MGST1: variants seen among roughly 807,000 people sequenced by gnomAD.
The protein encoded by MGST1 is glutathione S-transferase 12.
In MGST1, 5 loss-of-function variants were observed where a neutral mutation model predicts 8.9. That is an observed-to-expected ratio of 0.56 (90% CI 0.29 to 1.19). The LOEUF is 1.19. MGST1 is among the 50% of genes most tolerant of loss of function. The pLI is 0.08. For synonymous variants in MGST1, 54 were observed against 67.8 expected, an observed-to-expected ratio of 0.80 and a Z score of 1.00; for missense variants, 182 against 187.4, an observed-to-expected ratio of 0.97 and a Z score of 0.17.
At chr12:16,514,262 G>A in intron 4 of MGST1, 1 of 278,376 alleles carries the variant, frequency 3.6e-6, no homozygotes. Context: ...ACCATGGTTT[G>A]CAAAGACGCA....
chr12:16,511,383 T>C (rs1242675004), intron 4 of MGST1, among the ~76,000 whole-genome samples: 2 of 152,254 alleles, frequency 1.3e-5, no homozygotes, highest in East Asian at 3.8e-4. Flanking sequence ...CCTGAAGGAT[T>C]AGAGCTTTCT....
intron 4 of MGST1, among the ~76,000 whole-genome samples, chr12:16,527,120 C>G (rs1320043851): frequency 6.6e-6 from 1 of 151,888 alleles, no homozygotes; most frequent in Non-Finnish European, 1.5e-5. Flanking sequence ...ATACAAATAC[C>G]CAGTTTGACC....
At chr12:16,591,117 T>C (rs933974267), downstream of MGST1, among the ~76,000 whole-genome samples, 1 of 152,052 alleles carries the variant, frequency 6.6e-6, no homozygotes, top group African/African-American at 2.4e-5. The surrounding 1 kb of genome is among the most constrained non-coding windows in gnomAD (Gnocchi z 4.1). Flanking sequence ...ATACGGGGCA[T>C]TGTTTGTTGC....
chr12:16,399,790 G>A (rs1265892313), intron 1 of MGST1: 2 of 1,188,620 alleles, frequency 1.7e-6, no homozygotes, highest in East Asian at 2.3e-5. Flanking sequence ...TCCTTGATGG[G>A]TCAAGAGAGG....
intron 1 of MGST1, among the ~76,000 whole-genome samples, chr12:16,434,040 C>T (rs772831164): frequency 6.6e-6 from 1 of 152,116 alleles, no homozygotes; most frequent in Non-Finnish European, 1.5e-5. Flanking sequence ...TCTCTTTTCA[C>T]AGTCCCCATT....
intron 4 of MGST1, among the ~76,000 whole-genome samples, chr12:16,564,318 C>A (rs561234296): frequency 4.8e-4 from 73 of 152,280 alleles, no homozygotes; most frequent in African/African-American, 1.5e-3. Context: ...AGAACTAAGA[C>A]AAAACAAGTT....
At chr12:16,557,911 A>G (rs895300261) in intron 4 of MGST1, among the ~76,000 whole-genome samples, 1 of 152,056 alleles carries the variant, frequency 6.6e-6, no homozygotes, top group Admixed American at 6.5e-5. Flanking sequence ...TCTTTCTACT[A>G]TTCTACAGGG....
chr12:16,377,616 G>A (rs1940402674), downstream of MGST1, among the ~76,000 whole-genome samples: 1 of 152,116 alleles, frequency 6.6e-6, no homozygotes, highest in Non-Finnish European at 1.5e-5. Context: ...ACGTGTGCAT[G>A]TGTCTTTATA....
chr12:16,380,821 G>T (rs1328232851), downstream of MGST1, among the ~76,000 whole-genome samples: 2 of 152,272 alleles, frequency 1.3e-5, no homozygotes, highest in African/African-American at 4.8e-5. Context: ...ATGAATCTGG[G>T]TGCTCCTGTA....
At chr12:16,436,382 C>T (rs1052200051) in intron 1 of MGST1, among the ~76,000 whole-genome samples, 2 of 151,778 alleles carry the variant, frequency 1.3e-5, no homozygotes, top group South Asian at 2.1e-4. Flanking sequence ...AAAACTTGAT[C>T]GAAGAGGTGA....
At chr12:16,519,846 A>G (rs967611482) in intron 4 of MGST1, among the ~76,000 whole-genome samples, 4 of 152,180 alleles carry the variant, frequency 2.6e-5, no homozygotes, top group African/African-American at 4.8e-5. Context: ...GATCAAAACC[A>G]TGCCATCATT....
chr12:16,425,139 A>T (rs1320236300), intron 1 of MGST1, among the ~76,000 whole-genome samples: 1 of 152,112 alleles, frequency 6.6e-6, no homozygotes, highest in African/African-American at 2.4e-5. Flanking sequence ...TACAGCAATT[A>T]TGGTCTTTGA....
At chr12:16,421,541 T>C (rs932284156) in intron 1 of MGST1, among the ~76,000 whole-genome samples, 1 of 152,184 alleles carries the variant, frequency 6.6e-6, no homozygotes, top group Admixed American at 6.5e-5. Flanking sequence ...GGATCTACAG[T>C]GCATTTTGAA....
intron 4 of MGST1, among the ~76,000 whole-genome samples, chr12:16,578,924 T>A (rs1943076419): frequency 2.0e-5 from 3 of 152,112 alleles, no homozygotes; most frequent in Admixed American, 1.3e-4. Context: ...CTTAACAAAG[T>A]CTCACTTGAA....
chr12:16,383,294 G>C (rs1477473118), exon 1 of MGST1: 1 of 152,204 alleles, frequency 6.6e-6, no homozygotes, highest in Admixed American at 6.6e-5. Context: ...GCTTCTCTCT[G>C]AGCTAATACT....
chr12:16,552,608 TG>T (rs1368384820), intron 4 of MGST1, among the ~76,000 whole-genome samples: 2 of 152,090 alleles, frequency 1.3e-5, no homozygotes, highest in African/African-American at 4.8e-5. Flanking sequence ...AAAAGTAGAC[TG>T]AAAAGAATTA....
In MGST1 at chr12:16,354,285, A is replaced by T. The variant is rs762021366; in HGVS notation, c.33A>T (p.Glu11Asp). ...ACCTCACCCAGGTAATGGATGATGA[A>T]GTATTCATGGCTTTTGCATCCTATG... MVDLTQVMDD[E>D]VFMAFASYAT... Residue 11 changes from glutamate to aspartate, a missense_variant, in exon 2 of 4, where the codon GAA (glutamate) becomes GAT (aspartate). Coordinates refer to ENST00000396210, the MANE Select transcript of MGST1 (RefSeq NM_020300.5). 3.5e-5 allele frequency: 56 copies of T among 1,606,818 alleles called. No individual in the cohort carries two copies. Among genetic ancestry groups the T allele is most frequent in the Non-Finnish European group, 9.3e-6 (11 of 1,177,864 alleles).
chr12:16,351,462 G>A (rs927348578), intron 1 of MGST1, among the ~76,000 whole-genome samples: 2 of 152,116 alleles, frequency 1.3e-5, no homozygotes, highest in Non-Finnish European at 2.9e-5. Context: ...AAAACCTTGC[G>A]CATGTAGTTT....
rs114253737 is a variant in MGST1 at position 16,576,605 on chromosome 12, C to T, written n.483-12923C>T. ...GTTACGTACCTGTTTGTCTCTTTCT[C>T]ACTACATAATAAGCTCCCTGAAAAC... On this transcript the variant is annotated intron_variant and non_coding_transcript_variant, in intron 4 of 4. Transcript: ENST00000538857. This position sits in a 1 kb window ranked among gnomAD's most constrained non-coding sequence, Gnocchi z 4.1. Among the ~76,000 whole-genome samples, 4,454 of 152,292 alleles carry T rather than the reference C, an allele frequency of 0.029. 97 individuals carry two copies. The highest frequency in any genetic ancestry group is 0.071 in the Middle Eastern group (21 of 294).
Sources: allele counts gnomAD v4.1 joint callset (sites outside exome capture counted in the v4.1 genomes callset), GRCh38; gene constraint gnomAD v4.1.1; non-coding constraint Gnocchi (gnomAD v3.1); transcripts MANE v1.5; gene names NCBI Gene and HGNC (gene_info 2026-07-23, HGNC 2026-07-21).